ATXN7: variants seen among roughly 807,000 people sequenced by gnomAD.
ATXN7 encodes the protein ataxin 7.
A neutral mutation model predicts 70.5 loss-of-function variants in ATXN7; 12 were observed. The ratio of observed to expected loss-of-function variants is 0.17; its 90% CI spans 0.11 to 0.28. The LOEUF (loss-of-function observed/expected upper bound fraction) is 0.28, where lower values mean the gene tolerates loss of function less well. Among genes scored for constraint, ATXN7 ranks in the 10% least tolerant of loss-of-function variants. ATXN7 has a pLI of 1.00. For missense variants in ATXN7, 1,256 were observed against 1,131.7 expected (o/e 1.11, Z -1.58); for synonymous variants, 498 against 448.7 (o/e 1.11, Z -1.39).
chr3:63,895,616 A>C (rs915712152), intron 1 of ATXN7, among the ~76,000 whole-genome samples: 6 of 152,156 alleles, frequency 3.9e-5, no homozygotes, highest in Non-Finnish European at 7.4e-5. Context: ...GAACCTAGGG[A>C]AGGAAGTGCT....
chr3:63,983,856 C>T (rs2075529246), intron 8 of ATXN7, among the ~76,000 whole-genome samples: 1 of 151,966 alleles, frequency 6.6e-6, no homozygotes, highest in Admixed American at 6.6e-5. Flanking sequence ...CCAGCTACCC[C>T]CCAGATAGGT....
At chr3:63,919,832 G>A (rs950951017) in intron 4 of ATXN7, among the ~76,000 whole-genome samples, 6 of 143,492 alleles carry the variant, frequency 4.2e-5, no homozygotes, top group African/African-American at 1.3e-4. Flanking sequence ...TACAGAGCAC[G>A]AATAGCGCTG....
chr3:63,998,110 T>C (rs1263774329), intron 12 of ATXN7: 1 of 984,552 alleles, frequency 1.0e-6, no homozygotes, highest in Non-Finnish European at 1.2e-6. Flanking sequence ...TGTGCTGTAA[T>C]GTCCATCTCA....
upstream of ATXN7, chr3:63,863,409 C>T: frequency 9.4e-7 from 1 of 1,064,726 alleles, no homozygotes. Context: ...TAGACAAACC[C>T]GGACTCCCTC....
At chr3:63,928,376 A>T (rs1028911381) in intron 4 of ATXN7, among the ~76,000 whole-genome samples, 1 of 151,732 alleles carries the variant, frequency 6.6e-6, no homozygotes, top group Non-Finnish European at 1.5e-5. Flanking sequence ...ACATGTGACA[A>T]ATCCTTATAG....
At chr3:63,996,618 A>T (rs1576007375) in intron 12 of ATXN7, 135 bp downstream of exon 12, 11 of 61,604 alleles carry the variant, frequency 1.8e-4, no homozygotes, top group Middle Eastern at 7.4e-3. Flanking sequence ...GTGTCTTCTT[A>T]AAAAAAAAAA....
chr3:63,998,671 A>T (rs924029286), intron 12 of ATXN7: 3 of 985,358 alleles, frequency 3.0e-6, no homozygotes, highest in Non-Finnish European at 3.6e-6. Context: ...TTGCTTAGAG[A>T]TCAAAGGATC....
chr3:63,890,151 C>G (rs1575852178), intron 1 of ATXN7, among the ~76,000 whole-genome samples: 1 of 152,142 alleles, frequency 6.6e-6, no homozygotes, highest in East Asian at 1.9e-4. Flanking sequence ...AAATAAACAG[C>G]ATCCTAAGCA....
chr3:63,999,373 G>A (rs535612730), intron 12 of ATXN7, 77 bp from the exon 13 acceptor site: 3 of 1,214,458 alleles, frequency 2.5e-6, no homozygotes, highest in Non-Finnish European at 3.7e-6. Flanking sequence ...GAATATTCTT[G>A]TTTAGAATCA....
In ATXN7 at chr3:63,946,474, C is replaced by A. The variant is rs542807991; in HGVS notation, c.395-5905C>A. On this transcript the variant is annotated intron_variant, in intron 4 of 12. Transcript: ENST00000674280. ...CTAAGACAGTGAAACCCGTTCTCTA[C>A]TAAAAATACAAAAAGAAAATTAGCC... Among the ~76,000 whole-genome samples the A allele has an allele frequency of 6.6e-5, 10 of 152,118 alleles. No homozygotes were observed. In the South Asian group the frequency reaches 2.1e-3, roughly 32 times the overall value.
chr3:63,968,192 A>G (rs2106713800), intron 5 of ATXN7, among the ~76,000 whole-genome samples: 1 of 152,276 alleles, frequency 6.6e-6, no homozygotes, highest in South Asian at 2.1e-4. Context: ...GGGAGCCTGC[A>G]GAGCTAGGGG....
At chr3:63,966,578 A>G (rs1416004449) in intron 5 of ATXN7, among the ~76,000 whole-genome samples, 1 of 151,924 alleles carries the variant, frequency 6.6e-6, no homozygotes, top group Non-Finnish European at 1.5e-5. Context: ...ATCTGGGGGA[A>G]AAAAAGTGGG....
At chr3:63,912,953 A>AC in intron 3 of ATXN7, 30 bp downstream of exon 3, 4 of 1,077,834 alleles carry the variant, frequency 3.7e-6, no homozygotes, top group South Asian at 1.8e-5. Context: ...TCCCCCCTTC[A>AC]CCCCCTCGCG....
chr3:63,941,347 G>A (rs1219253526), intron 4 of ATXN7, among the ~76,000 whole-genome samples: 1 of 152,134 alleles, frequency 6.6e-6, no homozygotes, highest in African/African-American at 2.4e-5. Flanking sequence ...GAGCATTACC[G>A]CCTGAACTCT....
At chr3:63,998,373 T>A in intron 12 of ATXN7, 1 of 984,124 alleles carries the variant, frequency 1.0e-6, no homozygotes, top group Non-Finnish European at 1.2e-6. Context: ...TATATATGTA[T>A]ACACACACGT....
In ATXN7 at chr3:63,907,136, A is replaced by T. The variant is rs184200511; in HGVS notation, c.-11-5452A>T. Among the ~76,000 whole-genome samples, 378 of 152,310 alleles carry T rather than the reference A, an allele frequency of 2.5e-3. 2 individuals carry two copies. The highest frequency in any genetic ancestry group is 8.8e-3 in the African/African-American group (367 of 41,564). On this transcript the variant is annotated intron_variant, in intron 2 of 12. Coordinates refer to ENST00000674280, the MANE Select transcript of ATXN7 (RefSeq NM_001377405.1). ...GTAAATTTCTTAATGTTCTTCATAA[A>T]GTAGTTACTCTTGTTTTACTCATTT... is the stretch of plus-strand genomic sequence containing the variant.
intron 4 of ATXN7, among the ~76,000 whole-genome samples, chr3:63,929,253 T>C (rs578221357): frequency 5.5e-4 from 83 of 151,170 alleles, no homozygotes; most frequent in African/African-American, 1.8e-3. Context: ...CTAGGAAGCT[T>C]TCTCTCTCTC....
intron 1 of ATXN7, among the ~76,000 whole-genome samples, chr3:63,879,351 A>G (rs1370251226): frequency 1.3e-5 from 2 of 152,214 alleles, no homozygotes; most frequent in Admixed American, 1.3e-4. Context: ...AAATATGCAT[A>G]TGAACTGTAC....
chr3:63,905,791 C>G (rs560794695), intron 2 of ATXN7: 32 of 152,222 alleles, frequency 2.1e-4, no homozygotes, highest in African/African-American at 7.5e-4. Context: ...AGGAAGTGGA[C>G]AGAGGATCAA....
Sources: allele counts gnomAD v4.1 joint callset (sites outside exome capture counted in the v4.1 genomes callset), GRCh38; gene constraint gnomAD v4.1.1; transcripts MANE v1.5; gene names NCBI Gene and HGNC (gene_info 2026-07-23, HGNC 2026-07-21).